PHLPP2: variants seen among roughly 807,000 people sequenced by gnomAD.
PHLPP2 encodes the protein PH domain and leucine rich repeat protein phosphatase 2.
Under a neutral mutation model 124.9 loss-of-function variants are expected in PHLPP2, and 66 were observed. The observed-to-expected ratio is 0.53, with a 90% CI of 0.43 to 0.65. The LOEUF is 0.65. PHLPP2 is among the 30% of genes least tolerant of loss of function. The pLI, the probability that PHLPP2 is intolerant of heterozygous loss-of-function variation, is 0.00. For synonymous variants in PHLPP2, 681 were observed against 624.7 expected (o/e 1.09, Z -1.34); for missense variants, 1,685 against 1,600.4 (o/e 1.05, Z -0.90).
At chr16:71,698,768 T>C (rs767343010) in intron 3 of PHLPP2, 12 of 262,206 alleles carry the variant, frequency 4.6e-5, no homozygotes, top group Admixed American at 1.9e-4. Flanking sequence ...TTTAGTGAAA[T>C]GTTATCTCCA....
chr16:71,687,302 G>A (rs1007361310), intron 4 of PHLPP2, among the ~76,000 whole-genome samples: 1 of 152,028 alleles, frequency 6.6e-6, no homozygotes, highest in Admixed American at 6.5e-5. Flanking sequence ...TACATATTCT[G>A]AATACAAGTC....
intron 16 of PHLPP2, 60 bp from the exon 17 acceptor site, chr16:71,655,494 G>A: frequency 1.6e-6 from 2 of 1,289,966 alleles, no homozygotes; most frequent in Non-Finnish European, 2.2e-6. Flanking sequence ...TTATTCTCCA[G>A]GGAGCATTCT....
chr16:71,699,155 T>C (rs1204884341), intron 3 of PHLPP2, among the ~76,000 whole-genome samples: 1 of 152,152 alleles, frequency 6.6e-6, no homozygotes, highest in Admixed American at 6.5e-5. Context: ...TTTTCTATGA[T>C]AGTTTTGATA....
At chr16:71,676,978 A>T in intron 8 of PHLPP2, 1 of 285,140 alleles carries the variant, frequency 3.5e-6, no homozygotes, top group Non-Finnish European at 6.7e-6. Context: ...TCCTAACCTC[A>T]GATGATCTGC....
intron 17 of PHLPP2, 81 bp from the exon 18 acceptor site, chr16:71,653,102 T>A: frequency 7.0e-5 from 16 of 229,816 alleles, no homozygotes; most frequent in South Asian, 2.9e-4. Flanking sequence ...ATCCCTTCTT[T>A]TTTTTTTTTT....
At chr16:71,702,770 GT>G (rs773134917) in intron 2 of PHLPP2, 39 bp from the exon 3 acceptor site, 4 of 1,421,228 alleles carry the variant, frequency 2.8e-6, no homozygotes, top group Admixed American at 4.2e-5. Flanking sequence ...TATTTGGTAA[GT>G]AATAAAAATG....
chr16:71,669,463 G>A (rs2044871356), intron 10 of PHLPP2, 93 bp from the exon 11 acceptor site: 2 of 864,758 alleles, frequency 2.3e-6, no homozygotes, highest in Non-Finnish European at 1.9e-6. Flanking sequence ...CAGCCTGTGA[G>A]CCCTTGAGGG....
rs566894637 is a variant in PHLPP2 at position 71,647,861 on chromosome 16, T to A, written c.*1029A>T. 6.6e-6 allele frequency: 1 copy of A among 152,512 alleles called. No homozygotes were observed. The highest frequency in any genetic ancestry group is 1.5e-5 in the Non-Finnish European group (1 of 68,062). The allele number at this position is 152,512 out of a possible 1,614,324, so 9.4% of individuals were successfully genotyped here. ...GCTTTCACAGTCTGACATCCAAAAG[T>A]TAAATCAACTTCACAGGGCCCTTCC... On this transcript the variant is annotated 3_prime_UTR_variant, in exon 19 of 19. Transcript: ENST00000568954.
intron 1 of PHLPP2, among the ~76,000 whole-genome samples, chr16:71,721,265 G>A (rs1018082883): frequency 4.0e-5 from 6 of 151,274 alleles, no homozygotes; most frequent in African/African-American, 1.2e-4. Flanking sequence ...CCATGATCGC[G>A]CCACTGCATT....
At chr16:71,702,565 A>G (rs1451346326) in intron 3 of PHLPP2, 33 bp downstream of exon 3, 1 of 1,574,904 alleles carries the variant, frequency 6.3e-7, no homozygotes, top group Non-Finnish European at 8.7e-7. Context: ...ACCTAAAAGT[A>G]GTTAACATAC....
At chr16:71,719,040 C>T (rs2045381331) in intron 1 of PHLPP2, among the ~76,000 whole-genome samples, 1 of 152,096 alleles carries the variant, frequency 6.6e-6, no homozygotes. Context: ...AAAAACCTTC[C>T]TAGGAGCCAG....
chr16:71,658,221 AT>A lies in PHLPP2; in HGVS notation c.2279+11del. On this transcript the variant is annotated intron_variant, in intron 15 of 18. Transcript: ENST00000568954. ...AGAGCACATAGAGATTCCATTTCAA[AT>A]TTTTTCCTACCTAAATATGTCCAGT... 6.2e-7 allele frequency: 1 copy of A among 1,612,048 alleles called. No homozygotes were observed. The highest frequency in any genetic ancestry group is 8.5e-7 in the Non-Finnish European group (1 of 1,178,862).
At chr16:71,705,621 T>C (rs1365377563) in intron 2 of PHLPP2, among the ~76,000 whole-genome samples, 1 of 152,098 alleles carries the variant, frequency 6.6e-6, no homozygotes, top group Non-Finnish European at 1.5e-5. Context: ...AAGCAATTCT[T>C]CTGCCTCAGC....
Position 71,724,676 on chromosome 16 carries a change from C to T in PHLPP2, c.-354G>A, listed in dbSNP as rs1430936993. ...GCCTGTTTCCAGATCTCCCCTCTGC[C>T]CTTCTTTAGATCTATACCCCTGTGC... On this transcript the variant is annotated 5_prime_UTR_variant, in exon 1 of 19. Transcript: ENST00000568954. 1 of 152,178 alleles carries T rather than the reference C, an allele frequency of 6.6e-6. No individual in the cohort carries two copies. Among genetic ancestry groups the T allele is most frequent in the Non-Finnish European group, 1.5e-5 (1 of 68,068 alleles). The allele number at this position is 152,178 out of a possible 1,614,324, so 9.4% of individuals were successfully genotyped here.
chr16:71,696,550 T>C (rs1386423904), intron 3 of PHLPP2, among the ~76,000 whole-genome samples: 1 of 151,580 alleles, frequency 6.6e-6, no homozygotes, highest in East Asian at 1.9e-4. Flanking sequence ...GGCATGAGAA[T>C]TGCTTGAACC....
chr16:71,702,621 C>G lies in PHLPP2; in HGVS notation c.395G>C (p.Gly132Ala). 6.2e-7 allele frequency: 1 copy of G among 1,610,658 alleles called. No individual in the cohort carries two copies. ...ACCACCATAAAATCGAATCATACAG[C>G]CGAGGTCAGGATTTGTAGCCTCCTC... ...IQEEATNPDLGCMIRFYGEKP... is the reference protein window; with the variant it reads ...IQEEATNPDLACMIRFYGEKP... The change falls in exon 3 of 19, where the codon GGC (glycine) becomes GCC (alanine). Residue 132 changes from glycine to alanine, a missense_variant. Transcript: ENST00000568954.
intron 2 of PHLPP2, among the ~76,000 whole-genome samples, chr16:71,710,924 A>G (rs1470966057): frequency 6.6e-6 from 1 of 152,212 alleles, no homozygotes; most frequent in Non-Finnish European, 1.5e-5. Flanking sequence ...CCAGAATCCA[A>G]TCTCTAAACC....
intron 2 of PHLPP2, among the ~76,000 whole-genome samples, chr16:71,708,276 G>A (rs961660405): frequency 3.3e-5 from 5 of 152,182 alleles, no homozygotes; most frequent in Non-Finnish European, 5.9e-5. Context: ...AGAACCACAA[G>A]AGAAGTGAAA....
Position 71,697,228 on chromosome 16 carries a change from A to G in PHLPP2, c.418+5370T>C, listed in dbSNP as rs145407493. ...TAAATAAATAAATAAAAAGAAACTC[A>G]GGGTCTGCAATTTTCCACACTTGAC... On this transcript the variant is annotated intron_variant, in intron 3 of 18. Coordinates refer to ENST00000568954, the MANE Select transcript of PHLPP2 (RefSeq NM_015020.3). Among the ~76,000 whole-genome samples, 1,045 of 151,888 alleles carry G rather than the reference A, an allele frequency of 6.9e-3. 24 individuals carry two copies. The highest frequency in any genetic ancestry group is 0.024 in the African/African-American group (992 of 41,442).
Sources: gnomAD v4.1 joint callset for allele counts (sites outside exome capture counted in the v4.1 genomes callset) on GRCh38, gnomAD v4.1.1 for gene constraint, MANE v1.5 for transcripts, NCBI Gene and HGNC (gene_info 2026-07-23, HGNC 2026-07-21) for gene names.